The following ANKHD1 variants were observed in gnomAD, a reference collection of about 807,000 sequenced individuals.
ANKHD1 encodes ankyrin repeat and KH domain-containing protein 1.
A neutral mutation model predicts 230.5 loss-of-function variants in ANKHD1; 31 were observed. The observed-to-expected ratio is 0.13, with a 90% CI of 0.10 to 0.18. ANKHD1 has a LOEUF of 0.18. Ranked by LOEUF, ANKHD1 falls within the 10% of genes least tolerant of loss-of-function variation. The pLI, the probability that ANKHD1 is intolerant of heterozygous loss-of-function variation, is 1.00. For missense variants in ANKHD1, 2,256 were observed against 3,071.3 expected, an observed-to-expected ratio of 0.73 and a Z score of 6.27; for synonymous variants, 1,074 against 1,117.6, an observed-to-expected ratio of 0.96 and a Z score of 0.78.
At chr5:140,512,746 G>C (rs1025488) in intron 22 of ANKHD1, 82 bp from the exon 23 acceptor site, 2 of 1,303,832 alleles carry the variant, frequency 1.5e-6, no homozygotes, top group African/African-American at 3.1e-5. Flanking sequence ...TTGTAATTCT[G>C]TTGTTTTACT....
intron 1 of ANKHD1, among the ~76,000 whole-genome samples, chr5:140,429,701 T>C (rs1475325658): frequency 6.6e-6 from 1 of 152,212 alleles, no homozygotes; most frequent in Non-Finnish European, 1.5e-5. Context: ...TAGCTAGCAA[T>C]TACTATTTCT....
Position 140,505,753 on chromosome 5 carries a change from G to A in ANKHD1, c.3292G>A (p.Ala1098Thr). ...GFTPLILAAT[A>T]GHVGVVEILL... ...CACACCACTAATCCTGGCAGCAACA[G>A]CAGGGCATGTTGGAGTTGTTGAAAT... Residue 1098 changes from alanine to threonine, a missense_variant, in exon 18 of 34, where the codon GCA (alanine) becomes ACA (threonine). Around this residue, in one of 13 missense-constraint regions of ANKHD1, gnomAD observed 63 missense variants for 125.5 expected, o/e 0.50. Transcript: ENST00000360839. 1 of 1,610,992 alleles carries A rather than the reference G, an allele frequency of 6.2e-7. No individual in the cohort carries two copies. Among genetic ancestry groups the A allele is most frequent in the Non-Finnish European group, 8.5e-7 (1 of 1,179,138 alleles).
intron 24 of ANKHD1, among the ~76,000 whole-genome samples, chr5:140,518,322 A>G (rs867006929): frequency 0.019 from 2,936 of 151,796 alleles, 66 homozygotes; most frequent in African/African-American, 0.068. Context: ...AAAGAGTCCA[A>G]GACCAGATGG....
chr5:140,537,100 C>G (rs559163301), intron 30 of ANKHD1: 1 of 230,114 alleles, frequency 4.3e-6, no homozygotes, highest in East Asian at 1.1e-4. Context: ...GGCCTGCTTC[C>G]TTTCTAGCAT....
chr5:140,485,124 C>T lies in ANKHD1; in HGVS notation c.1874C>T (p.Ala625Val). ...CTVQFLISKG[A>V]NVNRATANND... Reference sequence around the variant, plus strand: ...TGCGATTTATTTTTCTTCAAAGGTGCCAATGTTAACAGGGCTACAGCCAAT... The same window carrying T: ...TGCGATTTATTTTTCTTCAAAGGTGTCAATGTTAACAGGGCTACAGCCAAT... The change falls in exon 12 of 34, where the codon GCC becomes GTC. Residue 625 changes from alanine (A) to valine (V), a missense_variant. By Grantham distance (64) the Ala-to-Val change is moderately conservative. Transcript: ENST00000360839. This position sits in a 1 kb window ranked among gnomAD's most constrained non-coding sequence, Gnocchi z 4.8. 6.3e-7 allele frequency: 1 copy of T among 1,599,776 alleles called. No homozygotes were observed. The highest frequency in any genetic ancestry group is 8.6e-7 in the Non-Finnish European group (1 of 1,168,592).
At chr5:140,517,699 A>G (rs1333078487) in intron 24 of ANKHD1, among the ~76,000 whole-genome samples, 1 of 144,858 alleles carries the variant, frequency 6.9e-6, no homozygotes, top group African/African-American at 2.6e-5. Context: ...TACTGGGTAC[A>G]TAACGAAATG....
intron 15 of ANKHD1, among the ~76,000 whole-genome samples, chr5:140,500,953 G>A (rs1040321624): frequency 4.6e-5 from 7 of 151,854 alleles, no homozygotes; most frequent in Admixed American, 3.3e-4. Context: ...CTCTTAAATT[G>A]TAATTTTAAA....
chr5:140,434,356 A>G lies in ANKHD1; in HGVS notation c.307-1748A>G, dbSNP rs532722477. On this transcript the variant is annotated intron_variant, in intron 1 of 33. Transcript: ENST00000360839. ...CTTTCTGTTCCTGATGTTTTTCTTT[A>G]TCTACAAATATGTTAATTTTTCCTG... is the stretch of plus-strand genomic sequence containing the variant. 3.3e-5 allele frequency among the ~76,000 whole-genome samples: 5 copies of G among 151,236 alleles called. No homozygotes were observed. In the South Asian group the frequency reaches 1.0e-3, roughly 31 times the overall value.
chr5:140,409,331 A>G (rs1239001304), intron 1 of ANKHD1, among the ~76,000 whole-genome samples: 1 of 152,184 alleles, frequency 6.6e-6, no homozygotes, highest in East Asian at 1.9e-4. Flanking sequence ...TTCACTTAAA[A>G]TATATTATTT....
chr5:140,489,018 T>C (rs1751641273), intron 14 of ANKHD1, among the ~76,000 whole-genome samples: 1 of 151,922 alleles, frequency 6.6e-6, no homozygotes. Flanking sequence ...GGCGAAACCC[T>C]GTCTAACAAA....
chr5:140,478,264 AC>A (rs1431659006), intron 10 of ANKHD1, among the ~76,000 whole-genome samples: 1 of 151,970 alleles, frequency 6.6e-6, no homozygotes, highest in Admixed American at 6.6e-5. Context: ...AAAAAGAGAT[AC>A]AAAAAATATA....
intron 1 of ANKHD1, among the ~76,000 whole-genome samples, chr5:140,417,684 G>T (rs946973204): frequency 2.1e-4 from 32 of 151,992 alleles, no homozygotes; most frequent in African/African-American, 6.3e-4. Flanking sequence ...AACCTCCTGA[G>T]CTCAAGCAGT....
chr5:140,507,885 G>T lies in ANKHD1; in HGVS notation c.3652G>T (p.Ala1218Ser). 1 of 1,614,082 alleles carries T rather than the reference G, an allele frequency of 6.2e-7. No homozygotes were observed. The highest frequency in any genetic ancestry group is 8.5e-7 in the Non-Finnish European group (1 of 1,180,028). ...LLLDMGSDIN[A>S]QIETNRNTAL... ...GCTCGATATGGGTTCAGACATTAAT[G>T]CCCAAATAGAGACCAATCGGAACAC... The change falls in exon 20 of 34, where the codon GCC becomes TCC. Residue 1218 changes from alanine to serine, a missense_variant. By Grantham distance (99) the Ala-to-Ser change is moderately conservative. Coordinates refer to ENST00000360839, the MANE Select transcript of ANKHD1 (RefSeq NM_017747.3). This position sits in a 1 kb window ranked among gnomAD's most constrained non-coding sequence, Gnocchi z 4.1.
intron 1 of ANKHD1, among the ~76,000 whole-genome samples, chr5:140,429,483 G>A (rs1205328470): frequency 2.6e-5 from 4 of 152,136 alleles, no homozygotes; most frequent in South Asian, 2.1e-4. Flanking sequence ...TATTTAACAT[G>A]TTAAAAGTAA....
chr5:140,497,256 C>T lies in ANKHD1; in HGVS notation c.2982C>T (p.Asp994=). ...CAACTCCAGCTCAGACGCTTACCGA[C>T]ACTCTTGATGACCTGATAGCAGGTG... ...MVATPAQTLT[D]TLDDLIAAVS... Residue 994 remains aspartate, a synonymous_variant, in exon 15 of 34, where the codon GAC becomes GAT. Transcript: ENST00000360839. The T allele has an allele frequency of 6.2e-7, 1 of 1,604,760 alleles. No individual in the cohort carries two copies.
chr5:140,473,947 A>T (rs1404971406), intron 10 of ANKHD1, among the ~76,000 whole-genome samples: 3 of 152,188 alleles, frequency 2.0e-5, no homozygotes, highest in Non-Finnish European at 4.4e-5. Flanking sequence ...TCTGCATTTG[A>T]ACTAATATCT....
At chr5:140,472,526 T>C (rs1346240069) in intron 10 of ANKHD1, 2 of 1,148,262 alleles carry the variant, frequency 1.7e-6, no homozygotes, top group Non-Finnish European at 2.2e-6. Flanking sequence ...AAAAAATCTC[T>C]TAGGTGAAAA....
intron 15 of ANKHD1, among the ~76,000 whole-genome samples, chr5:140,504,601 A>G (rs933923620): frequency 7.9e-5 from 12 of 152,158 alleles, no homozygotes; most frequent in African/African-American, 2.4e-4. Flanking sequence ...CATTCTACAT[A>G]TAGGGAAAAT....
At chr5:140,455,163 G>A (rs1775072172) in intron 7 of ANKHD1, among the ~76,000 whole-genome samples, 1 of 152,150 alleles carries the variant, frequency 6.6e-6, no homozygotes, top group Non-Finnish European at 1.5e-5. Context: ...GACTAAACCA[G>A]GAAGAAGTTG....
Sources: gnomAD v4.1 joint callset for allele counts (sites outside exome capture counted in the v4.1 genomes callset) on GRCh38, gnomAD v4.1.1 for gene constraint, gnomAD v4.1.1 regional missense constraint, Gnocchi (gnomAD v3.1) non-coding constraint, MANE v1.5 for transcripts, NCBI Gene and HGNC (gene_info 2026-07-23, HGNC 2026-07-21) for gene names.